The following LRIG1 variants were observed in gnomAD, a reference collection of about 807,000 sequenced individuals.
The protein encoded by LRIG1 is leucine-rich repeats and immunoglobulin-like domains protein 1.
LRIG1 carries 48 observed loss-of-function variants against 99.2 expected under a neutral mutation model. The observed-to-expected ratio is 0.48, with a 90% CI of 0.38 to 0.62. The LOEUF is 0.62. Ranked by LOEUF, LRIG1 falls within the 20% of genes least tolerant of loss-of-function variation. The pLI is 0.00. For synonymous variants in LRIG1, 772 were observed against 596.1 expected, an observed-to-expected ratio of 1.29 and a Z score of -4.30; for missense variants, 1,646 against 1,434.4, an observed-to-expected ratio of 1.15 and a Z score of -2.38.
At chr3:66,472,974 A>G (rs1188979694) in intron 1 of LRIG1, among the ~76,000 whole-genome samples, 2 of 152,192 alleles carry the variant, frequency 1.3e-5, no homozygotes, top group Non-Finnish European at 2.9e-5. Flanking sequence ...CTCATGTTAC[A>G]GAAATGTATG....
At chr3:66,387,277 A>G (rs1477644490) in intron 12 of LRIG1, 1 of 151,976 alleles carries the variant, frequency 6.6e-6, no homozygotes, top group African/African-American at 2.4e-5. Flanking sequence ...GGGGATCTAG[A>G]CAGCCACATG....
intron 9 of LRIG1, among the ~76,000 whole-genome samples, chr3:66,404,938 A>C (rs1702206322): frequency 6.6e-6 from 1 of 152,190 alleles, no homozygotes; most frequent in Non-Finnish European, 1.5e-5. Flanking sequence ...AGTGAAGCCC[A>C]AGAGAAGCTC....
chr3:66,497,885 G>A (rs1230885466), intron 1 of LRIG1, among the ~76,000 whole-genome samples: 1 of 152,054 alleles, frequency 6.6e-6, no homozygotes, highest in Non-Finnish European at 1.5e-5. Context: ...GAAACTACAA[G>A]ATATTTCATT....
intron 3 of LRIG1, among the ~76,000 whole-genome samples, chr3:66,435,122 C>A (rs527890761): frequency 6.6e-6 from 1 of 152,082 alleles, no homozygotes; most frequent in African/African-American, 2.4e-5. Flanking sequence ...AGGAATGGAA[C>A]GACACATACA....
intron 2 of LRIG1, among the ~76,000 whole-genome samples, chr3:66,458,299 G>GGTCTCA (rs1490829044): frequency 1.3e-5 from 2 of 152,042 alleles, no homozygotes; most frequent in Non-Finnish European, 2.9e-5. Context: ...GTAGAGACAG[G>GGTCTCA]GTCTCACTTT....
Position 66,383,335 on chromosome 3 carries a change from T to G in LRIG1, c.2138A>C (p.Gln713Pro). Residue 713 changes from glutamine to proline, a missense_variant, in exon 15 of 19, where the codon CAA becomes CCA. Gln to Pro is a moderately conservative substitution (Grantham distance 76). Transcript: ENST00000273261. ...CGGAGGGTTCCCCGTGGCTTTGCAT[T>G]GGAGGGCCACTGTTTCTCCCACAGA... ...VVSVGETVAL[Q>P]CKATGNPPPR... 1.3e-6 allele frequency: 2 copies of G among 1,597,906 alleles called. No individual in the cohort carries two copies. The highest frequency in any genetic ancestry group is 1.7e-6 in the Non-Finnish European group (2 of 1,167,942).
chr3:66,405,106 A>G (rs1361481617), intron 9 of LRIG1, 92 bp downstream of exon 9: 2 of 1,119,986 alleles, frequency 1.8e-6, no homozygotes, highest in East Asian at 2.5e-5. Context: ...CTGGGCCCAG[A>G]GCAGAGAGGC....
chr3:66,498,376 G>T (rs993858222), intron 1 of LRIG1: 1 of 152,054 alleles, frequency 6.6e-6, no homozygotes, highest in Non-Finnish European at 1.5e-5. Flanking sequence ...AAATTAAAGG[G>T]CAAGGCAAAG....
chr3:66,470,579 C>T (rs1378934582), intron 1 of LRIG1, among the ~76,000 whole-genome samples: 1 of 152,170 alleles, frequency 6.6e-6, no homozygotes, highest in African/African-American at 2.4e-5. Flanking sequence ...CCACAACCCA[C>T]CAGGCGGTTA....
intron 1 of LRIG1, among the ~76,000 whole-genome samples, chr3:66,486,707 A>G (rs1054482527): frequency 6.6e-6 from 1 of 152,212 alleles, no homozygotes; most frequent in Non-Finnish European, 1.5e-5. Flanking sequence ...CCATGTATGG[A>G]CATGTCTATT....
chr3:66,425,826 C>A (rs1702964501), intron 3 of LRIG1, among the ~76,000 whole-genome samples: 1 of 152,322 alleles, frequency 6.6e-6, no homozygotes, highest in Middle Eastern at 3.4e-3. Context: ...TAAACCAACA[C>A]CTGTTAAAGG....
intron 3 of LRIG1, among the ~76,000 whole-genome samples, chr3:66,439,450 C>G (rs932362637): frequency 3.3e-5 from 5 of 152,178 alleles, no homozygotes; most frequent in Non-Finnish European, 7.3e-5. Context: ...CAAACACAAC[C>G]TTCACAAAAT....
intron 17 of LRIG1, among the ~76,000 whole-genome samples, chr3:66,381,202 T>G (rs2107916548): frequency 6.6e-6 from 1 of 152,350 alleles, no homozygotes; most frequent in East Asian, 1.9e-4. Context: ...GAAAAAGTGC[T>G]GACTGAAACT....
chr3:66,491,877 T>C (rs1701108646), intron 1 of LRIG1, among the ~76,000 whole-genome samples: 1 of 152,060 alleles, frequency 6.6e-6, no homozygotes, highest in South Asian at 2.1e-4. Context: ...TTTACCTTTC[T>C]CCATATTCAA....
chr3:66,413,566 C>G (rs1179115239), intron 5 of LRIG1, among the ~76,000 whole-genome samples: 1 of 152,154 alleles, frequency 6.6e-6, no homozygotes, highest in Non-Finnish European at 1.5e-5. Flanking sequence ...TAGAGACACC[C>G]CACAAGTCAT....
At chr3:66,474,688 G>A (rs1405795700) in intron 1 of LRIG1, among the ~76,000 whole-genome samples, 3 of 151,948 alleles carry the variant, frequency 2.0e-5, no homozygotes, top group South Asian at 2.1e-4. Flanking sequence ...CCCACCACAC[G>A]CCTGTCCCCT....
At chr3:66,481,025 A>T (rs1055042810) in intron 1 of LRIG1, among the ~76,000 whole-genome samples, 2 of 152,182 alleles carry the variant, frequency 1.3e-5, no homozygotes, top group African/African-American at 4.8e-5. Flanking sequence ...TATATGTTTC[A>T]GTGTTAGATT....
At chr3:66,428,459 T>G (rs1230664403) in intron 3 of LRIG1, among the ~76,000 whole-genome samples, 1 of 151,986 alleles carries the variant, frequency 6.6e-6, no homozygotes. Context: ...TTAAAATAAG[T>G]GAGGGCCTAA....
intron 3 of LRIG1, among the ~76,000 whole-genome samples, chr3:66,434,546 A>C (rs1703281579): frequency 6.6e-6 from 1 of 152,140 alleles, no homozygotes; most frequent in South Asian, 2.1e-4. Flanking sequence ...CAGGAGTTCA[A>C]GACCAGCCTG....
Sources: gnomAD v4.1 joint callset for allele counts (sites outside exome capture counted in the v4.1 genomes callset) on GRCh38, gnomAD v4.1.1 for gene constraint, MANE v1.5 for transcripts, NCBI Gene and HGNC (gene_info 2026-07-23, HGNC 2026-07-21) for gene names.